KLF12: variants seen among roughly 807,000 people sequenced by gnomAD.
The protein encoded by KLF12 is KLF transcription factor 12.
A neutral mutation model predicts 37.8 loss-of-function variants in KLF12; 9 were observed. The ratio of observed to expected loss-of-function variants is 0.24; its 90% confidence interval spans 0.14 to 0.42. The LOEUF (loss-of-function observed/expected upper bound fraction) is 0.42, where lower values mean the gene tolerates loss of function less well. KLF12 is among the 10% of genes least tolerant of loss of function. KLF12 has a pLI of 1.00. For missense variants in KLF12, 411 were observed against 516.0 expected, an observed-to-expected ratio of 0.80 and a Z score of 1.97; for synonymous variants, 208 against 202.1, an observed-to-expected ratio of 1.03 and a Z score of -0.25.
chr13:74,110,043 G>A (rs1876886441), intron 1 of KLF12, among the ~76,000 whole-genome samples: 1 of 152,128 alleles, frequency 6.6e-6, no homozygotes, highest in Admixed American at 6.5e-5. Flanking sequence ...TTTAGCCAAT[G>A]CTTACAAGAT....
chr13:74,194,613 C>T, the KLF12 span, among the ~76,000 whole-genome samples: 1 of 152,184 alleles, frequency 6.6e-6, no homozygotes, highest in African/African-American at 2.4e-5. Flanking sequence ...CTTAAAGGTT[C>T]CATCTCCTAA....
At chr13:74,121,899 C>G (rs1186359858) in intron 1 of KLF12, among the ~76,000 whole-genome samples, 2 of 151,988 alleles carry the variant, frequency 1.3e-5, no homozygotes, top group Non-Finnish European at 2.9e-5. Context: ...AAAATTGCTG[C>G]TGATACAATG....
At chr13:74,241,788 T>C in the KLF12 span, among the ~76,000 whole-genome samples, 1 of 152,198 alleles carries the variant, frequency 6.6e-6, no homozygotes, top group East Asian at 1.9e-4. Context: ...AGGCAATGCC[T>C]CGCCCTGCTT....
At chr13:74,030,099 T>A (rs1893076228) in intron 1 of KLF12, among the ~76,000 whole-genome samples, 1 of 152,154 alleles carries the variant, frequency 6.6e-6, no homozygotes, top group Non-Finnish European at 1.5e-5. Context: ...AGAACACTGA[T>A]AGCCAAATAT....
the KLF12 span, among the ~76,000 whole-genome samples, chr13:74,264,194 C>T: frequency 6.6e-6 from 1 of 152,074 alleles, no homozygotes; most frequent in Non-Finnish European, 1.5e-5. Flanking sequence ...TGTTGAATAA[C>T]AGCTGAAAAA....
At chr13:73,974,323 A>G (rs2138130524) in intron 2 of KLF12, among the ~76,000 whole-genome samples, 1 of 151,944 alleles carries the variant, frequency 6.6e-6, no homozygotes, top group South Asian at 2.1e-4. Context: ...AAAAAAAAGA[A>G]TTCTGCAGGT....
chr13:74,001,883 G>A (rs933408995), intron 1 of KLF12, among the ~76,000 whole-genome samples: 11 of 152,132 alleles, frequency 7.2e-5, no homozygotes, highest in Admixed American at 3.3e-4. Context: ...AATATTTTGC[G>A]ATAATTAGAA....
At chr13:74,111,516 G>A (rs1282530676) in intron 1 of KLF12, among the ~76,000 whole-genome samples, 1 of 152,100 alleles carries the variant, frequency 6.6e-6, no homozygotes, top group Non-Finnish European at 1.5e-5. Flanking sequence ...AATGTAACCT[G>A]CTGAAAAATT....
intron 5 of KLF12, among the ~76,000 whole-genome samples, chr13:73,769,937 T>C (rs977590389): frequency 6.6e-6 from 1 of 152,178 alleles, no homozygotes; most frequent in Non-Finnish European, 1.5e-5. Context: ...AGATATTTTA[T>C]ACCAAGATTA....
At chr13:74,218,326 G>A in the KLF12 span, among the ~76,000 whole-genome samples, 2 of 152,186 alleles carry the variant, frequency 1.3e-5, no homozygotes, top group Non-Finnish European at 2.9e-5. Context: ...TGAAAAGGGA[G>A]TGCCGAGAAA....
Position 73,943,994 on chromosome 13 carries a change from T to C in KLF12, c.110A>G (p.Glu37Gly). The change falls in exon 3 of 8, where the codon GAA becomes GGA. Residue 37 changes from glutamate (E) to glycine (G), a missense_variant. Physicochemically the swap from Glu to Gly is moderately conservative, Grantham distance 98. This residue lies in a region of KLF12 where 351 missense variants were observed against 397.8 expected (regional missense o/e 0.88). Coordinates refer to ENST00000377669, the MANE Select transcript of KLF12 (RefSeq NM_007249.5). ...ACTTGTGCTTACCCCTTGTTCAGAT[T>C]CCAAAAGCTCTGTTTTGACTCTGAC... 6.2e-7 allele frequency: 1 copy of C among 1,611,268 alleles called. No individual in the cohort carries two copies. Among genetic ancestry groups the C allele is most frequent in the Non-Finnish European group, 8.5e-7 (1 of 1,177,752 alleles).
chr13:73,987,352 T>C (rs186170921), intron 2 of KLF12, among the ~76,000 whole-genome samples: 184 of 152,248 alleles, frequency 1.2e-3, no homozygotes, highest in African/African-American at 4.2e-3. Flanking sequence ...TCAATAAATG[T>C]TTTTAATAAT....
chr13:73,991,532 CT>C (rs1193572184), intron 2 of KLF12, among the ~76,000 whole-genome samples: 1 of 152,134 alleles, frequency 6.6e-6, no homozygotes, highest in Admixed American at 6.5e-5. Context: ...CAAGAATGTC[CT>C]TTTTTCACAC....
At chr13:73,713,722 A>G (rs922547537) in intron 7 of KLF12, among the ~76,000 whole-genome samples, 5 of 152,208 alleles carry the variant, frequency 3.3e-5, no homozygotes, top group Non-Finnish European at 7.3e-5. Flanking sequence ...GTAAGATGCA[A>G]TCCTATACTG....
chr13:73,961,810 T>G, intron 2 of KLF12, among the ~76,000 whole-genome samples: 1 of 152,138 alleles, frequency 6.6e-6, no homozygotes, highest in East Asian at 1.9e-4. Context: ...ATTACACAAC[T>G]ATTAGAATGG....
the KLF12 span, among the ~76,000 whole-genome samples, chr13:74,175,792 G>T: frequency 6.6e-6 from 1 of 152,156 alleles, no homozygotes; most frequent in Non-Finnish European, 1.5e-5. Flanking sequence ...GATACTTGTG[G>T]CTCAGCCTGA....
At chr13:73,895,858 T>C (rs1233238844) in intron 3 of KLF12, among the ~76,000 whole-genome samples, 1 of 151,106 alleles carries the variant, frequency 6.6e-6, no homozygotes, top group African/African-American at 2.4e-5. Context: ...TCTCGCTCTG[T>C]CACACAGGCT....
chr13:74,058,104 G>A (rs182557582), intron 1 of KLF12, among the ~76,000 whole-genome samples: 1 of 150,708 alleles, frequency 6.6e-6, no homozygotes, highest in Non-Finnish European at 1.5e-5. Flanking sequence ...GTAGCTGGGA[G>A]TACAGGCATG....
chr13:74,123,790 G>C (rs900842954), intron 1 of KLF12, among the ~76,000 whole-genome samples: 4 of 152,212 alleles, frequency 2.6e-5, no homozygotes, highest in Non-Finnish European at 5.9e-5. Flanking sequence ...GAGACTAAAT[G>C]AAAGTCAGAA....
Sources: allele counts gnomAD v4.1 joint callset (sites outside exome capture counted in the v4.1 genomes callset), GRCh38; gene constraint gnomAD v4.1.1; regional missense constraint gnomAD v4.1.1; transcripts MANE v1.5; gene names NCBI Gene and HGNC (gene_info 2026-07-23, HGNC 2026-07-21).